Variants in METTL6 observed in about 807,000 individuals in gnomAD.
METTL6 encodes the protein methyltransferase 6, tRNA N3-cytidine.
A neutral mutation model predicts 26.4 loss-of-function variants in METTL6; 22 were observed. That is an observed-to-expected ratio of 0.83 (90% confidence interval 0.59 to 1.19). METTL6 has a LOEUF of 1.19. METTL6 is among the 50% of genes most tolerant of loss of function. METTL6 has a pLI of 0.00. For synonymous variants in METTL6, 109 were observed against 116.2 expected (o/e 0.94, Z 0.40); for missense variants, 304 against 324.8 (o/e 0.94, Z 0.49).
At chr3:15,393,247 T>C (rs1242571765) in intron 6 of METTL6, among the ~76,000 whole-genome samples, 2 of 152,242 alleles carry the variant, frequency 1.3e-5, no homozygotes, top group Non-Finnish European at 2.9e-5. Context: ...TATTTCATTC[T>C]CTTTGAAGCA....
chr3:15,414,002 T>C lies in METTL6; in HGVS notation c.673+19A>G. On this transcript the variant is annotated intron_variant, in intron 5 of 5. Coordinates refer to ENST00000383790, the MANE Select transcript of METTL6 (RefSeq NM_152396.4). ...AACAAAGAATAAAACATTTAAAGAC[T>C]GGATTCCATTCATCTTACCATCAGT... The C allele has an allele frequency of 6.2e-7, 1 of 1,613,822 alleles. No homozygotes were observed. The highest frequency in any genetic ancestry group is 8.5e-7 in the Non-Finnish European group (1 of 1,179,892).
exon 7 of METTL6, chr3:15,381,662 C>A (rs1378327723): frequency 3.3e-5 from 5 of 152,150 alleles, no homozygotes; most frequent in Non-Finnish European, 7.4e-5. Context: ...TAAGCAAAAG[C>A]AGTTAACCTA....
At chr3:15,405,668 G>A (rs1308659380), downstream of METTL6, among the ~76,000 whole-genome samples, 6 of 152,208 alleles carry the variant, frequency 3.9e-5, no homozygotes, top group Admixed American at 2.0e-4. Context: ...AGGACCCCAA[G>A]ATTAAACCTT....
intron 6 of METTL6, among the ~76,000 whole-genome samples, chr3:15,397,189 G>A (rs572567248): frequency 7.0e-4 from 106 of 152,230 alleles, no homozygotes; most frequent in Admixed American, 5.7e-3. Flanking sequence ...AATGGCGGGC[G>A]CCCCTCCCCC....
intron 6 of METTL6, among the ~76,000 whole-genome samples, chr3:15,387,200 T>C (rs1459964590): frequency 2.0e-5 from 3 of 152,200 alleles, no homozygotes; most frequent in African/African-American, 4.8e-5. Flanking sequence ...CTGACCATCA[T>C]CTGATGATCA....
chr3:15,384,348 C>T (rs1198242453), intron 6 of METTL6: 4 of 205,518 alleles, frequency 1.9e-5, no homozygotes, highest in Non-Finnish European at 3.0e-5. Flanking sequence ...CCAAGGGTCA[C>T]CACACATCTG....
At position 15,414,183 on chromosome 3, in the gene METTL6, G is replaced by A. The variant is rs763087678; in HGVS notation, c.532-21C>T. 4 of 1,590,486 alleles carry A rather than the reference G, an allele frequency of 2.5e-6. No individual in the cohort carries two copies. In the Admixed American group the frequency reaches 5.6e-5, roughly 22 times the overall value. On this transcript the variant is annotated intron_variant, in intron 4 of 5. Transcript: ENST00000383790. ...AATACCTATGAAACAAAAGCAGGCT[G>A]AACATGACTTTGGAGAACCCTGTCA...
Position 15,410,588 on chromosome 3 carries a change from G to A in METTL6, c.*668C>T, listed in dbSNP as rs571869182. 4.6e-5 allele frequency among the ~76,000 whole-genome samples: 7 copies of A among 152,278 alleles called. No individual in the cohort carries two copies. In the South Asian group the frequency reaches 1.2e-3, roughly 27 times the overall value. On this transcript the variant is annotated 3_prime_UTR_variant, in exon 6 of 6. Transcript: ENST00000383790. ...GGCCTCTCAAAGTGCTGGGGTTATA[G>A]GCATGAGCCTATAACCCTCAAAATA... is the stretch of plus-strand genomic sequence containing the variant.
chr3:15,382,845 G>A (rs1413843743), exon 7 of METTL6: 1 of 152,084 alleles, frequency 6.6e-6, no homozygotes, highest in Admixed American at 6.6e-5. Flanking sequence ...GGGTGAACCT[G>A]GAAGATATTA....
At chr3:15,405,140 A>G (rs922690917), downstream of METTL6, among the ~76,000 whole-genome samples, 1 of 152,228 alleles carries the variant, frequency 6.6e-6, no homozygotes, top group African/African-American at 2.4e-5. Context: ...GGGGATAGGA[A>G]AGTACAAAGG....
intron 6 of METTL6, among the ~76,000 whole-genome samples, chr3:15,397,089 C>CT (rs1699508707): frequency 6.6e-6 from 1 of 152,224 alleles, no homozygotes. Context: ...GAAGTGGAGT[C>CT]TACAGAGGCA....
downstream of METTL6, among the ~76,000 whole-genome samples, chr3:15,407,104 C>T (rs984798400): frequency 1.2e-4 from 18 of 152,132 alleles, no homozygotes; most frequent in African/African-American, 4.1e-4. Flanking sequence ...GCAACCTCCA[C>T]CTCCCGGGTT....
chr3:15,411,471 T>C, intron 5 of METTL6, 34 bp from the exon 6 acceptor site: 1 of 1,593,676 alleles, frequency 6.3e-7, no homozygotes, highest in Non-Finnish European at 8.5e-7. Flanking sequence ...CTCAACAGTC[T>C]TCATAACATT....
downstream of METTL6, among the ~76,000 whole-genome samples, chr3:15,405,041 G>A (rs988804803): frequency 7.9e-5 from 12 of 152,148 alleles, no homozygotes; most frequent in African/African-American, 2.2e-4. Flanking sequence ...TAATATCTGC[G>A]TGAGGCAGAC....
chr3:15,386,699 C>T (rs995510467), intron 6 of METTL6, among the ~76,000 whole-genome samples: 3 of 152,192 alleles, frequency 2.0e-5, no homozygotes, highest in African/African-American at 7.2e-5. Flanking sequence ...CCATTAAACT[C>T]TGCTGTTTTG....
chr3:15,386,799 CTTT>C (rs947149279), intron 6 of METTL6, among the ~76,000 whole-genome samples: 2 of 146,254 alleles, frequency 1.4e-5, no homozygotes, highest in African/African-American at 5.0e-5. Flanking sequence ...GTTTCCTTTT[CTTT>C]TTTTTTTTGA....
intron 3 of METTL6, among the ~76,000 whole-genome samples, chr3:15,421,693 T>C (rs2061614664): frequency 6.6e-6 from 1 of 152,024 alleles, no homozygotes; most frequent in Non-Finnish European, 1.5e-5. Flanking sequence ...GTGGATCACC[T>C]GAGGTCAGGA....
intron 3 of METTL6, among the ~76,000 whole-genome samples, chr3:15,419,644 T>G (rs2061563810): frequency 6.6e-6 from 1 of 152,132 alleles, no homozygotes; most frequent in Non-Finnish European, 1.5e-5. Context: ...AATTATAAAT[T>G]AGTATGAGCT....
intron 6 of METTL6, among the ~76,000 whole-genome samples, chr3:15,386,653 T>C (rs1018319567): frequency 6.6e-6 from 1 of 152,172 alleles, no homozygotes; most frequent in Non-Finnish European, 1.5e-5. Flanking sequence ...TGTGTTTCCA[T>C]TACCAGTCAA....
Sources: allele counts gnomAD v4.1 joint callset (sites outside exome capture counted in the v4.1 genomes callset), GRCh38; gene constraint gnomAD v4.1.1; transcripts MANE v1.5; gene names NCBI Gene and HGNC (gene_info 2026-07-23, HGNC 2026-07-21).